The following THSD7B variants were observed in gnomAD, a reference collection of about 807,000 sequenced individuals.
THSD7B encodes thrombospondin type-1 domain-containing protein 7B.
Under a neutral mutation model 213.6 loss-of-function variants are expected in THSD7B, and 138 were observed. The observed-to-expected ratio is 0.65, with a 90% CI of 0.56 to 0.74. The LOEUF (loss-of-function observed/expected upper bound fraction) is 0.74. THSD7B is among the 30% of genes least tolerant of loss of function. THSD7B has a pLI of 0.00. For synonymous variants in THSD7B, 742 were observed against 687.0 expected, an observed-to-expected ratio of 1.08 and a Z score of -1.25; for missense variants, 1,931 against 1,991.5, an observed-to-expected ratio of 0.97 and a Z score of 0.58.
At position 137,134,553 on chromosome 2, in the gene THSD7B, G is replaced by A. The variant is rs149355909; in HGVS notation, c.1369+19260G>A. Among the ~76,000 whole-genome samples the A allele has an allele frequency of 5.1e-3, 769 of 152,238 alleles. 9 individuals are homozygous for A. Among genetic ancestry groups the A allele is most frequent in the African/African-American group, 0.018 (735 of 41,528 alleles). ...TGCGCTGGCACTCTAGGGGTGGGGG[G>A]CACTGTCAAACCCACTCCCAGGGTC... On this transcript the variant is annotated intron_variant, in intron 5 of 27. Coordinates refer to ENST00000409968, the MANE Select transcript of THSD7B (RefSeq NM_001316349.2).
chr2:136,965,077 T>C (rs1020997604), intron 2 of THSD7B, among the ~76,000 whole-genome samples: 13 of 151,952 alleles, frequency 8.6e-5, no homozygotes, highest in African/African-American at 3.1e-4. Context: ...CCATTAACAC[T>C]TTTACCTGCT....
intron 2 of THSD7B, among the ~76,000 whole-genome samples, chr2:136,943,413 A>G (rs1378577492): frequency 6.6e-6 from 1 of 152,098 alleles, no homozygotes; most frequent in Non-Finnish European, 1.5e-5. Flanking sequence ...GTTAGGGAGG[A>G]TTCCCTCTTT....
chr2:137,137,863 T>C (rs1350960076), intron 5 of THSD7B, among the ~76,000 whole-genome samples: 2 of 151,714 alleles, frequency 1.3e-5, no homozygotes, highest in East Asian at 1.9e-4. Context: ...CAGGGTTTTG[T>C]TGGGTTTGTT....
At chr2:137,573,120 A>T (rs887241600) in intron 17 of THSD7B, among the ~76,000 whole-genome samples, 1 of 152,126 alleles carries the variant, frequency 6.6e-6, no homozygotes, top group Non-Finnish European at 1.5e-5. Context: ...AGTCTTAAAA[A>T]ATTGGAAGCA....
intron 2 of THSD7B, among the ~76,000 whole-genome samples, chr2:137,049,313 G>T (rs891418688): frequency 6.6e-6 from 1 of 151,092 alleles, no homozygotes; most frequent in African/African-American, 2.4e-5. Flanking sequence ...GGCTTTGCAA[G>T]CCCCATTTGC....
At chr2:137,313,356 C>T (rs1252691905) in intron 12 of THSD7B, among the ~76,000 whole-genome samples, 1 of 151,878 alleles carries the variant, frequency 6.6e-6, no homozygotes, top group Non-Finnish European at 1.5e-5. Context: ...TTTCCATTTG[C>T]TTGGTAGATC....
intron 14 of THSD7B, among the ~76,000 whole-genome samples, chr2:137,427,656 A>G (rs1223632306): frequency 1.3e-5 from 2 of 152,134 alleles, no homozygotes; most frequent in African/African-American, 2.4e-5. Context: ...ATAGAAACAG[A>G]GAGTAGACTG....
intron 15 of THSD7B, among the ~76,000 whole-genome samples, chr2:137,517,035 C>T (rs774888085): frequency 3.9e-5 from 6 of 152,172 alleles, no homozygotes; most frequent in Non-Finnish European, 8.8e-5. Flanking sequence ...GCTGCTGTAC[C>T]AATTGTGGTT....
At chr2:137,183,539 A>AT (rs1424987058) in intron 7 of THSD7B, among the ~76,000 whole-genome samples, 2 of 152,168 alleles carry the variant, frequency 1.3e-5, no homozygotes, top group African/African-American at 2.4e-5. Flanking sequence ...CATAGCCCAC[A>AT]TTATAGTCTG....
At chr2:137,265,082 G>C (rs1682555694) in intron 10 of THSD7B, among the ~76,000 whole-genome samples, 1 of 151,924 alleles carries the variant, frequency 6.6e-6, no homozygotes, top group Non-Finnish European at 1.5e-5. Context: ...GCAGTGTTTG[G>C]TTTTTTGTTC....
At chr2:137,310,177 C>G (rs1221862947) in intron 12 of THSD7B, among the ~76,000 whole-genome samples, 5 of 152,072 alleles carry the variant, frequency 3.3e-5, no homozygotes, top group Non-Finnish European at 7.3e-5. Context: ...TGTTTCCTGA[C>G]TTTTTAATGA....
At chr2:137,230,960 G>A (rs1573900820) in intron 7 of THSD7B, 84 bp from the exon 8 acceptor site, 4 of 1,262,288 alleles carry the variant, frequency 3.2e-6, no homozygotes, top group East Asian at 2.4e-5. Context: ...TTTTTGGGGG[G>A]GTACTTTAAA....
chr2:136,795,063 C>A (rs1342366511), intron 1 of THSD7B, among the ~76,000 whole-genome samples: 2 of 151,948 alleles, frequency 1.3e-5, no homozygotes, highest in Non-Finnish European at 2.9e-5. Context: ...TAAGATATTT[C>A]TCTTACAGCC....
At chr2:136,929,360 C>T (rs1573716328) in intron 2 of THSD7B, among the ~76,000 whole-genome samples, 1 of 152,188 alleles carries the variant, frequency 6.6e-6, no homozygotes, top group Non-Finnish European at 1.5e-5. Flanking sequence ...CTTGCTATGA[C>T]TTCCCACTTC....
intron 15 of THSD7B, chr2:137,479,549 TG>T: frequency 3.1e-6 from 1 of 324,300 alleles, no homozygotes; most frequent in Non-Finnish European, 6.2e-6. Context: ...GGCAGGTGGC[TG>T]GGGACCATAT....
chr2:137,254,758 A>G (rs962563859), intron 10 of THSD7B, among the ~76,000 whole-genome samples: 8 of 152,118 alleles, frequency 5.3e-5, no homozygotes, highest in Non-Finnish European at 1.2e-4. Flanking sequence ...AATTTTCTCC[A>G]TTATGTATTT....
intron 2 of THSD7B, among the ~76,000 whole-genome samples, chr2:136,900,745 A>G (rs567893): frequency 0.43 from 65,573 of 152,006 alleles, 15,700 homozygotes; most frequent in Non-Finnish European, 0.55. Context: ...TTTTAAAGTG[A>G]TTCAAAACTT....
chr2:137,252,087 G>A (rs529001155), intron 10 of THSD7B, among the ~76,000 whole-genome samples: 1 of 151,904 alleles, frequency 6.6e-6, no homozygotes, highest in Non-Finnish European at 1.5e-5. Context: ...CTAACATGGA[G>A]AAACCCTGTC....
At chr2:137,624,060 C>T (rs1682573919) in intron 20 of THSD7B, among the ~76,000 whole-genome samples, 2 of 152,206 alleles carry the variant, frequency 1.3e-5, no homozygotes, top group Admixed American at 6.5e-5. Context: ...AGGCTTCATG[C>T]TACCTGACTT....
Sources: gnomAD v4.1 joint callset for allele counts (sites outside exome capture counted in the v4.1 genomes callset) on GRCh38, gnomAD v4.1.1 for gene constraint, MANE v1.5 for transcripts, NCBI Gene and HGNC (gene_info 2026-07-23, HGNC 2026-07-21) for gene names.